The following VOPP1 variants were observed in gnomAD, a reference collection of about 807,000 sequenced individuals.
The protein encoded by VOPP1 is VOPP1 WW domain binding protein.
Under a neutral mutation model 23.5 loss-of-function variants are expected in VOPP1, and 8 were observed. That is an observed-to-expected ratio of 0.34 (90% CI 0.20 to 0.61). The LOEUF (loss-of-function observed/expected upper bound fraction) is 0.61. VOPP1 is among the 20% of genes least tolerant of loss of function. VOPP1 has a pLI of 0.78. For synonymous variants in VOPP1, 83 were observed against 97.3 expected, an observed-to-expected ratio of 0.85 and a Z score of 0.86; for missense variants, 174 against 238.1, an observed-to-expected ratio of 0.73 and a Z score of 1.77.
chr7:55,571,203 G>A (rs1250855949), intron 1 of VOPP1, among the ~76,000 whole-genome samples: 1 of 152,138 alleles, frequency 6.6e-6, no homozygotes, highest in African/African-American at 2.4e-5. Context: ...AGGAAGTCTC[G>A]GCTATGGCAG....
intron 1 of VOPP1, chr7:55,538,578 T>C (rs1388530207): frequency 6.5e-7 from 1 of 1,527,170 alleles, no homozygotes; most frequent in Non-Finnish European, 8.8e-7. Context: ...CTTTACATGG[T>C]TTAATAACAA....
At chr7:55,507,037 G>T (rs903880726) in intron 2 of VOPP1, among the ~76,000 whole-genome samples, 1 of 152,094 alleles carries the variant, frequency 6.6e-6, no homozygotes, top group Non-Finnish European at 1.5e-5. Flanking sequence ...TTGCCTTTAG[G>T]AATCCAACCT....
chr7:55,467,855 T>C (rs1336300771), downstream of VOPP1, among the ~76,000 whole-genome samples: 1 of 152,206 alleles, frequency 6.6e-6, no homozygotes, highest in East Asian at 1.9e-4. Context: ...GTTCCTGTAA[T>C]ACACCCCTTC....
chr7:55,492,436 G>T lies in VOPP1; in HGVS notation c.192-18C>A. 2 of 1,596,604 alleles carry T rather than the reference G, an allele frequency of 1.3e-6. No individual in the cohort carries two copies. The highest frequency in any genetic ancestry group is 2.2e-5 in the East Asian group (1 of 44,482). Reference sequence around the variant, plus strand: ...GAAGGAACCTGAGGAGAGTACAGACGTGAGGGTGGTGCTCCCAGGTGGGGG... The same window carrying T: ...GAAGGAACCTGAGGAGAGTACAGACTTGAGGGTGGTGCTCCCAGGTGGGGG... On this transcript the variant is annotated intron_variant, in intron 3 of 4. Transcript: ENST00000285279.
chr7:55,449,353 G>A (rs1225653396), intron 4 of VOPP1, among the ~76,000 whole-genome samples: 3 of 152,130 alleles, frequency 2.0e-5, no homozygotes, highest in Non-Finnish European at 4.4e-5. Context: ...GCGCCACTGC[G>A]GCCCTGCCTC....
chr7:55,482,183 CA>C (rs994363782), intron 4 of VOPP1, among the ~76,000 whole-genome samples: 13 of 149,462 alleles, frequency 8.7e-5, no homozygotes, highest in Middle Eastern at 3.4e-3. Context: ...AAAGAACACG[CA>C]AAAAAAAACT....
chr7:55,537,765 A>C (rs987271966), intron 1 of VOPP1: 3 of 1,346,098 alleles, frequency 2.2e-6, no homozygotes, highest in South Asian at 1.8e-5. Context: ...TCCGGCCCCC[A>C]GGCCCAGGCC....
intron 2 of VOPP1, among the ~76,000 whole-genome samples, chr7:55,512,835 C>T (rs921704001): frequency 1.3e-5 from 2 of 152,306 alleles, no homozygotes; most frequent in South Asian, 4.1e-4. Context: ...GTCCACAGAG[C>T]CATAAAGGGC....
chr7:55,461,439 T>A (rs924029440), intron 4 of VOPP1, among the ~76,000 whole-genome samples: 1 of 151,742 alleles, frequency 6.6e-6, no homozygotes, highest in African/African-American at 2.4e-5. Context: ...TGAGACGGAG[T>A]CTCACTCCGT....
intron 4 of VOPP1, among the ~76,000 whole-genome samples, chr7:55,461,068 A>G (rs1195225260): frequency 1.3e-5 from 2 of 152,154 alleles, no homozygotes; most frequent in African/African-American, 2.4e-5. Context: ...AAAGGAATGA[A>G]CTAATGGCAT....
chr7:55,544,214 A>G (rs1486779791), intron 1 of VOPP1, among the ~76,000 whole-genome samples: 1 of 152,252 alleles, frequency 6.6e-6, no homozygotes, highest in African/African-American at 2.4e-5. Context: ...GTCAAAAATC[A>G]ACTGGCTGTA....
At chr7:55,530,828 C>A (rs770527324) in intron 1 of VOPP1, 1 of 152,214 alleles carries the variant, frequency 6.6e-6, no homozygotes, top group Non-Finnish European at 1.5e-5. Flanking sequence ...GCATTCCTCA[C>A]CTCTCAACAC....
intron 4 of VOPP1, among the ~76,000 whole-genome samples, chr7:55,456,769 G>A (rs1365681679): frequency 6.6e-6 from 1 of 152,120 alleles, no homozygotes; most frequent in Non-Finnish European, 1.5e-5. Context: ...TGGACACAGG[G>A]AGGGGAACAT....
chr7:55,549,379 G>A (rs181297146), intron 1 of VOPP1, among the ~76,000 whole-genome samples: 5 of 152,208 alleles, frequency 3.3e-5, no homozygotes, highest in Admixed American at 6.5e-5. Context: ...GCACATGCAC[G>A]GGCCCATGGC....
intron 1 of VOPP1, among the ~76,000 whole-genome samples, chr7:55,563,602 T>C (rs984846076): frequency 4.7e-4 from 71 of 152,218 alleles, no homozygotes; most frequent in African/African-American, 1.5e-3. Flanking sequence ...GGGACCCAAG[T>C]CTAAAGATGA....
chr7:55,495,274 ACCT>A (rs1329260531), intron 3 of VOPP1, among the ~76,000 whole-genome samples: 1 of 151,710 alleles, frequency 6.6e-6, no homozygotes, highest in African/African-American at 2.4e-5. Context: ...TTCCATCCAG[ACCT>A]CCTTGGTGAA....
At chr7:55,555,668 G>A (rs1262474938) in intron 1 of VOPP1, among the ~76,000 whole-genome samples, 4 of 152,094 alleles carry the variant, frequency 2.6e-5, no homozygotes, top group South Asian at 2.1e-4. Flanking sequence ...TCTTCATTTC[G>A]CTAGTGCATA....
intron 4 of VOPP1, among the ~76,000 whole-genome samples, chr7:55,481,838 G>A (rs1479751206): frequency 6.6e-6 from 1 of 152,194 alleles, no homozygotes; most frequent in Non-Finnish European, 1.5e-5. Flanking sequence ...TCCGAAAATC[G>A]CCACAGAAGC....
chr7:55,551,687 T>C (rs573849659), intron 1 of VOPP1, among the ~76,000 whole-genome samples: 1 of 152,236 alleles, frequency 6.6e-6, no homozygotes, highest in South Asian at 2.1e-4. Flanking sequence ...CTCTTTCATC[T>C]TACACGCAGT....
Sources: gnomAD v4.1 joint callset for allele counts (sites outside exome capture counted in the v4.1 genomes callset) on GRCh38, gnomAD v4.1.1 for gene constraint, MANE v1.5 for transcripts, NCBI Gene and HGNC (gene_info 2026-07-23, HGNC 2026-07-21) for gene names.